Variants in ANKRD30B observed in about 807,000 individuals in gnomAD.
ANKRD30B encodes the protein ankyrin repeat domain-containing protein 30B.
In ANKRD30B, 144 loss-of-function variants were observed where a neutral mutation model predicts 202.2. That is an observed-to-expected ratio of 0.71 (90% confidence interval 0.62 to 0.82). The LOEUF is 0.82. Ranked by LOEUF, ANKRD30B falls within the 40% of genes least tolerant of loss-of-function variation. The probability of loss-of-function intolerance (pLI) is 0.00; values close to 1 mark genes in which losing one functional copy is unlikely to be tolerated. For synonymous variants in ANKRD30B, 508 were observed against 561.3 expected (o/e 0.91, Z 1.34); for missense variants, 1,487 against 1,669.1 (o/e 0.89, Z 1.90).
chr18:14,808,979 T>A lies in ANKRD30B; in HGVS notation c.2386+235T>A, dbSNP rs1191207093. On this transcript the variant is annotated intron_variant, in intron 26 of 43. Transcript: ENST00000690538. ...TGGATATCTGTCCAGCAGCCTGCAA[T>A]GCAATGGGGCCTTGTCTTTGTTCCC... Among the ~76,000 whole-genome samples, 10 of 150,914 alleles carry A rather than the reference T, an allele frequency of 6.6e-5. No homozygotes were observed. In the East Asian group the frequency reaches 1.9e-3, roughly 29 times the overall value.
chr18:14,772,113 T>C (rs1216994518), intron 8 of ANKRD30B, 43 bp from the exon 9 acceptor site: 2 of 1,261,842 alleles, frequency 1.6e-6, no homozygotes, highest in East Asian at 5.5e-5. Flanking sequence ...TCTTTTTAAA[T>C]ATATGAATTT....
chr18:14,908,388 T>A, the ANKRD30B span, among the ~76,000 whole-genome samples: 1 of 152,124 alleles, frequency 6.6e-6, no homozygotes, highest in Non-Finnish European at 1.5e-5. Context: ...CTGCAGGCCC[T>A]CTCATCAGCC....
chr18:14,840,863 G>T (rs1279298192), intron 37 of ANKRD30B, among the ~76,000 whole-genome samples, 185 bp downstream of exon 37: 6 of 152,154 alleles, frequency 3.9e-5, no homozygotes, highest in Non-Finnish European at 8.8e-5. Flanking sequence ...TGCCAAAAAA[G>T]AGCTGAATTA....
At chr18:14,890,017 T>C in the ANKRD30B span, 6 of 1,195,620 alleles carry the variant, frequency 5.0e-6, no homozygotes, top group East Asian at 1.2e-4. Flanking sequence ...TCCTCATTCA[T>C]TGCAAGATAG....
intron 20 of ANKRD30B, among the ~76,000 whole-genome samples, chr18:14,798,105 T>C (rs1046114203): frequency 8.5e-5 from 13 of 152,274 alleles, no homozygotes; most frequent in Admixed American, 3.3e-4. Context: ...GGGCCTTGTC[T>C]TTGTTCCCAG....
intron 32 of ANKRD30B, among the ~76,000 whole-genome samples, chr18:14,824,393 G>T (rs919953182): frequency 2.0e-5 from 3 of 151,786 alleles, no homozygotes; most frequent in African/African-American, 7.3e-5. Context: ...TCCCTCTTTC[G>T]CCCAGGCTGG....
At chr18:14,791,649 G>A (rs2143931589) in intron 16 of ANKRD30B, among the ~76,000 whole-genome samples, 158 bp downstream of exon 16, 1 of 152,274 alleles carries the variant, frequency 6.6e-6, no homozygotes. Context: ...CTTATCAGGT[G>A]TTGGTAACAG....
chr18:14,882,602 G>A, the ANKRD30B span, among the ~76,000 whole-genome samples: 1 of 152,054 alleles, frequency 6.6e-6, no homozygotes, highest in Non-Finnish European at 1.5e-5. Flanking sequence ...GAAATGTTCT[G>A]TATATATCTG....
chr18:14,883,683 T>C, the ANKRD30B span: 3 of 151,092 alleles, frequency 2.0e-5, no homozygotes, highest in Admixed American at 6.6e-5. Context: ...ATTATCTTCA[T>C]GTTGAGTCTG....
At chr18:14,886,790 A>G in the ANKRD30B span, among the ~76,000 whole-genome samples, 7 of 152,168 alleles carry the variant, frequency 4.6e-5, no homozygotes, top group Non-Finnish European at 5.9e-5. Flanking sequence ...TCTGCCCTCA[A>G]TATGCTCACA....
chr18:14,853,658 CCTT>C (rs1568079802), intron 42 of ANKRD30B, among the ~76,000 whole-genome samples, 148 bp from the exon 43 acceptor site: 1 of 151,884 alleles, frequency 6.6e-6, no homozygotes, highest in Non-Finnish European at 1.5e-5. Flanking sequence ...AAAGATTACA[CCTT>C]CTTGTGTCCT....
At chr18:14,914,082 C>A in the ANKRD30B span, among the ~76,000 whole-genome samples, 1 of 152,258 alleles carries the variant, frequency 6.6e-6, no homozygotes, top group South Asian at 2.1e-4. Flanking sequence ...CTCATAACTT[C>A]CCTGCTGTCA....
chr18:14,817,218 C>CT (rs1236574662), intron 30 of ANKRD30B: 2 of 152,084 alleles, frequency 1.3e-5, no homozygotes, highest in East Asian at 3.9e-4. Context: ...TTACTTCATG[C>CT]TATATTAGAA....
chr18:14,910,484 A>AATATATATATATAT, the ANKRD30B span, among the ~76,000 whole-genome samples: 2 of 147,660 alleles, frequency 1.4e-5, no homozygotes, highest in African/African-American at 4.9e-5. Context: ...ACAATGTAAA[A>AATATATATATATAT]ATATATATAT....
chr18:14,926,810 T>G, the ANKRD30B span, among the ~76,000 whole-genome samples: 1 of 152,088 alleles, frequency 6.6e-6, no homozygotes, highest in Non-Finnish European at 1.5e-5. Context: ...GCCTATAGTC[T>G]TAGCTGCTTG....
At chr18:14,856,522 C>T (rs1407618797), downstream of ANKRD30B, among the ~76,000 whole-genome samples, 5 of 138,860 alleles carry the variant, frequency 3.6e-5, no homozygotes, top group African/African-American at 5.2e-5. Context: ...GTGCTCCTCA[C>T]CTCCCAGATG....
At chr18:14,843,630 G>A (rs1971514652) in intron 39 of ANKRD30B, among the ~76,000 whole-genome samples, 1 of 151,844 alleles carries the variant, frequency 6.6e-6, no homozygotes, top group African/African-American at 2.4e-5. Flanking sequence ...GTATATGTGT[G>A]TTTGTGTGTG....
chr18:14,834,495 A>G (rs1004854123), intron 34 of ANKRD30B, among the ~76,000 whole-genome samples: 1 of 152,104 alleles, frequency 6.6e-6, no homozygotes, highest in Non-Finnish European at 1.5e-5. Context: ...ACTCTCTAGA[A>G]TAAAAGATAT....
At chr18:14,790,874 T>C (rs1222833944) in intron 15 of ANKRD30B, among the ~76,000 whole-genome samples, 4 of 151,862 alleles carry the variant, frequency 2.6e-5, no homozygotes, top group East Asian at 1.9e-4. Context: ...TGTCTCTGCC[T>C]GGCTTTGGTA....
Sources: allele counts gnomAD v4.1 joint callset (sites outside exome capture counted in the v4.1 genomes callset), GRCh38; gene constraint gnomAD v4.1.1; transcripts MANE v1.5; gene names NCBI Gene and HGNC (gene_info 2026-07-23, HGNC 2026-07-21).